ADGRL2: variants seen among roughly 807,000 people sequenced by gnomAD.
The protein encoded by ADGRL2 is adhesion G protein-coupled receptor L2.
Under a neutral mutation model 157.4 loss-of-function variants are expected in ADGRL2, and 44 were observed. The observed-to-expected ratio is 0.28, with a 90% CI of 0.22 to 0.36. The LOEUF is 0.36. Among genes scored for constraint, ADGRL2 ranks in the 10% least tolerant of loss-of-function variants. ADGRL2 has a pLI of 1.00. For synonymous variants in ADGRL2, 585 were observed against 624.7 expected (o/e 0.94, Z 0.95); for missense variants, 1,510 against 1,768.9 (o/e 0.85, Z 2.63).
At chr1:81,523,520 A>G (rs1324063245) in intron 2 of ADGRL2, among the ~76,000 whole-genome samples, 1 of 152,190 alleles carries the variant, frequency 6.6e-6, no homozygotes, top group Non-Finnish European at 1.5e-5. Context: ...AAATAACCCA[A>G]TAAAACATGG....
At chr1:81,479,550 T>C (rs2078342806) in intron 2 of ADGRL2, among the ~76,000 whole-genome samples, 1 of 152,110 alleles carries the variant, frequency 6.6e-6, no homozygotes, top group Admixed American at 6.6e-5. Flanking sequence ...TACCCACATT[T>C]TGGAGATAAG....
intron 2 of ADGRL2, among the ~76,000 whole-genome samples, chr1:81,574,295 G>A (rs1478393739): frequency 6.6e-6 from 1 of 152,102 alleles, no homozygotes; most frequent in African/African-American, 2.4e-5. Context: ...TCAGAGATTG[G>A]TGACTGACCA....
At chr1:81,680,258 T>C (rs1246893243) in intron 3 of ADGRL2, among the ~76,000 whole-genome samples, 1 of 152,200 alleles carries the variant, frequency 6.6e-6, no homozygotes, top group Non-Finnish European at 1.5e-5. Context: ...TGACTTGCAT[T>C]GTAGAAACAC....
intron 1 of ADGRL2, among the ~76,000 whole-genome samples, chr1:81,306,892 T>C (rs1659377033): frequency 6.7e-6 from 1 of 148,990 alleles, no homozygotes; most frequent in Non-Finnish European, 1.5e-5. Flanking sequence ...TTTTTTAACC[T>C]GGAGCCCTCC....
chr1:81,604,398 A>T (rs1179949571), intron 3 of ADGRL2, among the ~76,000 whole-genome samples: 1 of 152,178 alleles, frequency 6.6e-6, no homozygotes, highest in Non-Finnish European at 1.5e-5. Context: ...AGTGAGCTAC[A>T]GCTTGAAAAC....
intron 3 of ADGRL2, among the ~76,000 whole-genome samples, chr1:81,603,248 C>T (rs967160192): frequency 6.6e-6 from 1 of 152,172 alleles, no homozygotes; most frequent in Non-Finnish European, 1.5e-5. Context: ...CGAGAAATCT[C>T]AGTGGGCCAT....
intron 2 of ADGRL2, among the ~76,000 whole-genome samples, chr1:81,462,617 C>T (rs1299296834): frequency 6.6e-6 from 1 of 152,128 alleles, no homozygotes; most frequent in Non-Finnish European, 1.5e-5. Flanking sequence ...CCGATTTTTA[C>T]TCAGTTATTG....
intron 2 of ADGRL2, among the ~76,000 whole-genome samples, chr1:81,487,539 G>A (rs1464612917): frequency 1.3e-5 from 2 of 152,086 alleles, no homozygotes; most frequent in Non-Finnish European, 2.9e-5. Context: ...CAGCTACTCA[G>A]GAGGCTGAGG....
At chr1:81,427,760 T>C (rs967518320) in intron 1 of ADGRL2, among the ~76,000 whole-genome samples, 4 of 152,260 alleles carry the variant, frequency 2.6e-5, no homozygotes, top group Admixed American at 2.6e-4. Flanking sequence ...GTCAGAAAAG[T>C]TACTGCAGCT....
intron 1 of ADGRL2, among the ~76,000 whole-genome samples, chr1:81,431,456 C>T (rs1309752250): frequency 6.6e-6 from 1 of 152,112 alleles, no homozygotes; most frequent in Non-Finnish European, 1.5e-5. Context: ...AACGTGGCCC[C>T]TAGAGAATCT....
intron 1 of ADGRL2, among the ~76,000 whole-genome samples, chr1:81,372,369 T>G (rs1032821187): frequency 6.6e-6 from 1 of 152,132 alleles, no homozygotes; most frequent in African/African-American, 2.4e-5. Context: ...TGCCAAATAA[T>G]TGCACATTAT....
intron 1 of ADGRL2, among the ~76,000 whole-genome samples, chr1:81,813,251 A>T (rs1189068803): frequency 6.6e-6 from 1 of 151,748 alleles, no homozygotes; most frequent in Non-Finnish European, 1.5e-5. Flanking sequence ...GTTATTATCC[A>T]TTATGTATCT....
chr1:81,336,397 A>G (rs1239268886), intron 1 of ADGRL2, among the ~76,000 whole-genome samples: 2 of 152,198 alleles, frequency 1.3e-5, no homozygotes, highest in East Asian at 3.9e-4. Flanking sequence ...TCTAGTTTCA[A>G]ATATTAGCCA....
At chr1:81,482,687 T>C (rs1010187146) in intron 2 of ADGRL2, among the ~76,000 whole-genome samples, 1 of 152,030 alleles carries the variant, frequency 6.6e-6, no homozygotes, top group African/African-American at 2.4e-5. Context: ...ATCTTTATGT[T>C]TGTAAACACA....
chr1:81,875,864 T>G (rs925303930), intron 2 of ADGRL2, among the ~76,000 whole-genome samples: 4 of 152,202 alleles, frequency 2.6e-5, no homozygotes, highest in African/African-American at 9.6e-5. Context: ...ACCCCGTCTC[T>G]CTAATGCACA....
chr1:81,767,092 T>C (rs183086873), intron 2 of ADGRL2, among the ~76,000 whole-genome samples: 160 of 152,294 alleles, frequency 1.1e-3, no homozygotes, highest in African/African-American at 3.8e-3. Context: ...TGCAACAATA[T>C]GTAAATAGAA....
At chr1:81,642,494 T>C (rs1161485522) in intron 3 of ADGRL2, among the ~76,000 whole-genome samples, 1 of 149,792 alleles carries the variant, frequency 6.7e-6, no homozygotes, top group East Asian at 2.0e-4. Context: ...CAAAAAGAAA[T>C]AGAAATTTGA....
At chr1:81,791,308 T>C (rs2087333680) in intron 2 of ADGRL2, among the ~76,000 whole-genome samples, 1 of 152,182 alleles carries the variant, frequency 6.6e-6, no homozygotes, top group Non-Finnish European at 1.5e-5. Context: ...GAGCTTCTCA[T>C]ACCTGCCTCC....
intron 1 of ADGRL2, among the ~76,000 whole-genome samples, chr1:81,434,795 G>A (rs907869823): frequency 5.9e-5 from 9 of 152,274 alleles, no homozygotes; most frequent in East Asian, 3.9e-4. Context: ...GCTGCAGGTG[G>A]TCATTCACAG....
Sources: allele counts gnomAD v4.1 joint callset (sites outside exome capture counted in the v4.1 genomes callset), GRCh38; gene constraint gnomAD v4.1.1; transcripts MANE v1.5; gene names NCBI Gene and HGNC (gene_info 2026-07-23, HGNC 2026-07-21).